Variants in ZFPM2 observed in about 807,000 individuals in gnomAD.
ZFPM2 encodes zinc finger protein ZFPM2.
Under a neutral mutation model 98.6 loss-of-function variants are expected in ZFPM2, and 20 were observed. That is an observed-to-expected ratio of 0.20 (90% CI 0.14 to 0.29). ZFPM2 has a LOEUF of 0.29. ZFPM2 is among the 10% of genes least tolerant of loss of function. ZFPM2 has a pLI of 1.00. For synonymous variants in ZFPM2, 518 were observed against 502.7 expected, an observed-to-expected ratio of 1.03 and a Z score of -0.41; for missense variants, 1,310 against 1,388.6, an observed-to-expected ratio of 0.94 and a Z score of 0.90.
intron 3 of ZFPM2, among the ~76,000 whole-genome samples, chr8:105,496,100 T>C (rs545905911): frequency 2.0e-4 from 31 of 152,318 alleles, no homozygotes; most frequent in African/African-American, 5.5e-4. Flanking sequence ...TGAATGTCTT[T>C]CCCTATTCTA....
At chr8:105,616,050 T>C (rs2130807158) in intron 4 of ZFPM2, among the ~76,000 whole-genome samples, 1 of 152,118 alleles carries the variant, frequency 6.6e-6, no homozygotes, top group South Asian at 2.1e-4. Context: ...TTTTATAGCA[T>C]ATGGTGTAAG....
At chr8:105,681,523 A>C (rs1419456548) in intron 5 of ZFPM2, among the ~76,000 whole-genome samples, 1 of 152,200 alleles carries the variant, frequency 6.6e-6, no homozygotes, top group African/African-American at 2.4e-5. Flanking sequence ...GTGTATTAAG[A>C]AGAGTTTCAT....
chr8:105,336,209 T>G (rs888730316), intron 1 of ZFPM2, among the ~76,000 whole-genome samples: 9 of 151,780 alleles, frequency 5.9e-5, no homozygotes, highest in Non-Finnish European at 7.4e-5. Flanking sequence ...TTTAGCATGT[T>G]ATTTAATCCG....
At chr8:105,621,237 C>T (rs1357603917) in intron 4 of ZFPM2, among the ~76,000 whole-genome samples, 1 of 152,146 alleles carries the variant, frequency 6.6e-6, no homozygotes, top group East Asian at 1.9e-4. Context: ...TTGAAGAGTC[C>T]TTCACATCCC....
intron 4 of ZFPM2, among the ~76,000 whole-genome samples, chr8:105,628,550 C>T (rs973848052): frequency 1.3e-5 from 2 of 152,114 alleles, no homozygotes; most frequent in African/African-American, 4.8e-5. Flanking sequence ...CCTACACTGT[C>T]CCATCATATG....
intron 5 of ZFPM2, among the ~76,000 whole-genome samples, chr8:105,748,153 T>C (rs1426644468): frequency 6.6e-6 from 1 of 152,056 alleles, no homozygotes; most frequent in East Asian, 1.9e-4. Context: ...CACACACACC[T>C]ATGATAAAAG....
intron 3 of ZFPM2, among the ~76,000 whole-genome samples, chr8:105,551,991 G>A (rs10505076): frequency 0.062 from 9,361 of 152,174 alleles, 374 homozygotes; most frequent in South Asian, 0.16. Flanking sequence ...AACGACAGCA[G>A]CCTATGAAAA....
At chr8:105,539,442 C>T (rs955414542) in intron 3 of ZFPM2, among the ~76,000 whole-genome samples, 5 of 152,110 alleles carry the variant, frequency 3.3e-5, no homozygotes, top group African/African-American at 4.8e-5. Flanking sequence ...TCTTTCTGAA[C>T]GTTTTCTACT....
intron 1 of ZFPM2, among the ~76,000 whole-genome samples, chr8:105,365,056 G>T (rs535640158): frequency 2.6e-5 from 4 of 152,214 alleles, no homozygotes; most frequent in Admixed American, 6.5e-5. Context: ...TACTCACTCT[G>T]ATAAGACCAG....
At chr8:105,723,376 A>C (rs1365207727) in intron 5 of ZFPM2, among the ~76,000 whole-genome samples, 1 of 151,884 alleles carries the variant, frequency 6.6e-6, no homozygotes, top group African/African-American at 2.4e-5. Context: ...TCTCTTCCAC[A>C]GCATTGACAG....
chr8:105,662,142 G>T (rs191949098), intron 5 of ZFPM2, among the ~76,000 whole-genome samples: 1 of 152,248 alleles, frequency 6.6e-6, no homozygotes, highest in East Asian at 1.9e-4. Context: ...AGGCAGGGAG[G>T]CTGGGCTCAG....
chr8:105,624,879 A>C (rs2130823373), intron 4 of ZFPM2, among the ~76,000 whole-genome samples: 1 of 152,330 alleles, frequency 6.6e-6, no homozygotes, highest in African/African-American at 2.4e-5. Flanking sequence ...GTATGGACAT[A>C]ATAGCCAAGA....
At chr8:105,591,391 A>G (rs1445348895) in intron 4 of ZFPM2, among the ~76,000 whole-genome samples, 1 of 152,158 alleles carries the variant, frequency 6.6e-6, no homozygotes, top group Admixed American at 6.5e-5. Flanking sequence ...TATAGGGTCT[A>G]ATTGTTCATA....
At chr8:105,794,528 G>T (rs888743241) in intron 6 of ZFPM2, among the ~76,000 whole-genome samples, 4 of 152,182 alleles carry the variant, frequency 2.6e-5, no homozygotes, top group African/African-American at 4.8e-5. Flanking sequence ...AGGGGTCAGG[G>T]GTCAGGGACC....
intron 1 of ZFPM2, among the ~76,000 whole-genome samples, chr8:105,384,722 A>G (rs2129897291): frequency 6.6e-6 from 1 of 152,298 alleles, no homozygotes; most frequent in Middle Eastern, 3.4e-3. Context: ...GATGACACTA[A>G]GGACCAGATG....
chr8:105,338,709 T>G lies in ZFPM2; in HGVS notation c.40+19728T>G, dbSNP rs547315504. Among the ~76,000 whole-genome samples, 4 of 151,998 alleles carry G rather than the reference T, an allele frequency of 2.6e-5. No homozygotes were observed. The South Asian group carries it at 8.3e-4, about 31-fold the overall frequency. On this transcript the variant is annotated intron_variant, in intron 1 of 7. Coordinates refer to ENST00000407775, the MANE Select transcript of ZFPM2 (RefSeq NM_012082.4). Reference sequence around the variant, plus strand: ...AAAAACTCAGCTTTCTCTTAAAGCCTCAATTCCTTGAAGTTTTATCATCCC... The same window carrying G: ...AAAAACTCAGCTTTCTCTTAAAGCCGCAATTCCTTGAAGTTTTATCATCCC...
chr8:105,456,364 C>T (rs7822979), intron 3 of ZFPM2, among the ~76,000 whole-genome samples: 74,756 of 151,188 alleles, frequency 0.49, 18,693 homozygotes, highest in East Asian at 0.64. Context: ...CACATGGAAT[C>T]AGCTGTAGTA....
At chr8:105,423,056 T>G (rs565161753) in intron 2 of ZFPM2, among the ~76,000 whole-genome samples, 18 of 128,204 alleles carry the variant, frequency 1.4e-4, no homozygotes, top group Admixed American at 3.1e-4. Flanking sequence ...GAAGGGCAAG[T>G]TTTTCTAGTC....
chr8:105,408,281 A>G (rs576515842), intron 1 of ZFPM2, among the ~76,000 whole-genome samples: 2 of 151,976 alleles, frequency 1.3e-5, no homozygotes, highest in East Asian at 3.9e-4. Flanking sequence ...GTATAAAGTA[A>G]AAGTCTTTTT....
Sources: allele counts gnomAD v4.1 joint callset (sites outside exome capture counted in the v4.1 genomes callset), GRCh38; gene constraint gnomAD v4.1.1; transcripts MANE v1.5; gene names NCBI Gene and HGNC (gene_info 2026-07-23, HGNC 2026-07-21).